The following GABRG3 variants were observed in gnomAD, a reference collection of about 807,000 sequenced individuals.
GABRG3 encodes gamma-aminobutyric acid receptor subunit gamma-3.
Under a neutral mutation model 48.8 loss-of-function variants are expected in GABRG3, and 25 were observed. That is an observed-to-expected ratio of 0.51 (90% CI 0.37 to 0.72). The LOEUF (loss-of-function observed/expected upper bound fraction) is 0.72. Among genes scored for constraint, GABRG3 ranks in the 30% least tolerant of loss-of-function variants. The probability of loss-of-function intolerance (pLI) is 0.00; values close to 1 mark genes in which losing one functional copy is unlikely to be tolerated. For missense variants in GABRG3, 394 were observed against 577.9 expected, an observed-to-expected ratio of 0.68 and a Z score of 3.26; for synonymous variants, 227 against 217.6, an observed-to-expected ratio of 1.04 and a Z score of -0.38.
chr15:27,292,695 T>A (rs1156298087), intron 3 of GABRG3, among the ~76,000 whole-genome samples: 1 of 152,128 alleles, frequency 6.6e-6, no homozygotes, highest in Non-Finnish European at 1.5e-5. Context: ...ATAATTCACT[T>A]GAGTTAGCTG....
intron 5 of GABRG3, among the ~76,000 whole-genome samples, chr15:27,431,149 A>T (rs1027946456): frequency 6.6e-6 from 1 of 151,974 alleles, no homozygotes; most frequent in African/African-American, 2.4e-5. Flanking sequence ...CTTTAGTAAG[A>T]TTTGAAATTG....
intron 3 of GABRG3, among the ~76,000 whole-genome samples, chr15:27,094,214 A>T (rs4354903): frequency 6.6e-6 from 1 of 152,142 alleles, no homozygotes; most frequent in Non-Finnish European, 1.5e-5. Context: ...TGAAGGCCAC[A>T]GCAGTCAAGC....
intron 3 of GABRG3, among the ~76,000 whole-genome samples, chr15:27,313,484 G>C (rs1281293686): frequency 6.7e-6 from 1 of 150,330 alleles, no homozygotes; most frequent in East Asian, 2.0e-4. Context: ...AAATCAAATG[G>C]ACCTAACACA....
chr15:27,097,736 T>G (rs1414189538), intron 3 of GABRG3, among the ~76,000 whole-genome samples: 1 of 151,954 alleles, frequency 6.6e-6, no homozygotes, highest in Non-Finnish European at 1.5e-5. Flanking sequence ...AGTGAGCGGG[T>G]CAAGGCCAAG....
chr15:27,034,196 C>G (rs1032804892), intron 3 of GABRG3, among the ~76,000 whole-genome samples: 1 of 152,186 alleles, frequency 6.6e-6, no homozygotes, highest in Non-Finnish European at 1.5e-5. Flanking sequence ...TCTCGAAAAG[C>G]ATACAACTGC....
intron 5 of GABRG3, among the ~76,000 whole-genome samples, chr15:27,367,993 C>T (rs1408340242): frequency 1.3e-5 from 2 of 152,162 alleles, no homozygotes; most frequent in African/African-American, 2.4e-5. Flanking sequence ...CTGTTCTTAT[C>T]TCCCCTTCAT....
In GABRG3 at chr15:27,180,064, CTG is replaced by C. The variant is rs1190453572; in HGVS notation, c.271-146742_271-146741del. 7.9e-5 allele frequency among the ~76,000 whole-genome samples: 12 copies of C among 152,206 alleles called. No individual in the cohort carries two copies. On this transcript the variant is annotated intron_variant, in intron 3 of 9. Coordinates refer to ENST00000615808, the MANE Select transcript of GABRG3 (RefSeq NM_033223.5). This position sits in a 1 kb window ranked among gnomAD's most constrained non-coding sequence, Gnocchi z 4.2. ...AGAGCCACTGCCTGATCGAACATCTCTGTGAGTCTTGGCCTTCCCCAGGAGAC... is the reference window on the plus strand; with the variant it reads ...AGAGCCACTGCCTGATCGAACATCTCTGAGTCTTGGCCTTCCCCAGGAGAC...
chr15:27,348,945 C>T (rs1187004639), intron 5 of GABRG3, among the ~76,000 whole-genome samples: 1 of 152,028 alleles, frequency 6.6e-6, no homozygotes, highest in African/African-American at 2.4e-5. Context: ...GAAAAATCAG[C>T]GTGTAGTGGG....
chr15:27,530,408 A>C (rs1020746264), intron 9 of GABRG3, among the ~76,000 whole-genome samples: 1 of 152,226 alleles, frequency 6.6e-6, no homozygotes, highest in Non-Finnish European at 1.5e-5. Flanking sequence ...TGACAAATGA[A>C]AAGGAGGCAA....
intron 3 of GABRG3, among the ~76,000 whole-genome samples, chr15:27,215,267 C>A (rs564129327): frequency 6.6e-6 from 1 of 152,286 alleles, no homozygotes; most frequent in East Asian, 1.9e-4. Context: ...GCCTCCACAG[C>A]CCCTGAACTC....
At chr15:27,046,260 ATT>A (rs569250980) in intron 3 of GABRG3, among the ~76,000 whole-genome samples, 48 of 141,406 alleles carry the variant, frequency 3.4e-4, no homozygotes, top group African/African-American at 8.7e-4. Context: ...TACCTGGCTA[ATT>A]TTTTTTTTTT....
chr15:27,468,219 A>G (rs1231615098), intron 5 of GABRG3, among the ~76,000 whole-genome samples: 1 of 152,220 alleles, frequency 6.6e-6, no homozygotes, highest in Non-Finnish European at 1.5e-5. Context: ...ACAAGGTGAA[A>G]AGTACACACT....
intron 3 of GABRG3, among the ~76,000 whole-genome samples, chr15:27,132,274 A>G (rs1897928496): frequency 6.6e-6 from 1 of 152,032 alleles, no homozygotes; most frequent in Non-Finnish European, 1.5e-5. Context: ...CAGGTCTTAC[A>G]TTTAAATGTT....
chr15:27,447,551 G>A lies in GABRG3; in HGVS notation c.575-33099G>A, dbSNP rs1888978530. ...GTTAGGGAGGATCTGAACTAGGCCAGAGATGACAGGGCTGAGAGATGGGGA... is the reference window on the plus strand; with the variant it reads ...GTTAGGGAGGATCTGAACTAGGCCAAAGATGACAGGGCTGAGAGATGGGGA... On this transcript the variant is annotated intron_variant, in intron 5 of 9. Transcript: ENST00000615808. This position sits in a 1 kb window ranked among gnomAD's most constrained non-coding sequence, Gnocchi z 4.0. Among the ~76,000 whole-genome samples, 1 of 152,190 alleles carries A rather than the reference G, an allele frequency of 6.6e-6. No individual in the cohort carries two copies. Among genetic ancestry groups the A allele is most frequent in the Non-Finnish European group, 1.5e-5 (1 of 68,028 alleles).
intron 3 of GABRG3, among the ~76,000 whole-genome samples, chr15:27,138,726 C>T (rs1348076843): frequency 3.9e-5 from 6 of 152,146 alleles, no homozygotes; most frequent in African/African-American, 1.4e-4. Context: ...ATTATTATCC[C>T]TCAGGATTCT....
intron 5 of GABRG3, among the ~76,000 whole-genome samples, chr15:27,361,354 A>G (rs1021645292): frequency 9.9e-5 from 15 of 152,242 alleles, no homozygotes; most frequent in Non-Finnish European, 2.1e-4. Flanking sequence ...TGGAGGCAGG[A>G]CCAAGCCAAT....
At chr15:27,133,969 C>T (rs958042341) in intron 3 of GABRG3, among the ~76,000 whole-genome samples, 14 of 152,140 alleles carry the variant, frequency 9.2e-5, no homozygotes, top group Non-Finnish European at 1.6e-4. Flanking sequence ...GCAGAAAAAT[C>T]AAGAATATTT....
chr15:27,038,112 C>T (rs1278820562), intron 3 of GABRG3, among the ~76,000 whole-genome samples: 3 of 152,176 alleles, frequency 2.0e-5, no homozygotes, highest in Non-Finnish European at 2.9e-5. Flanking sequence ...ACAGCCCCAT[C>T]TCAGTCCGGT....
At chr15:27,300,253 T>C (rs568904316) in intron 3 of GABRG3, among the ~76,000 whole-genome samples, 1 of 152,246 alleles carries the variant, frequency 6.6e-6, no homozygotes, top group African/African-American at 2.4e-5. Context: ...CCAAAATTAC[T>C]TGGCATATGG....
Sources: gnomAD v4.1 joint callset for allele counts (sites outside exome capture counted in the v4.1 genomes callset) on GRCh38, gnomAD v4.1.1 for gene constraint, Gnocchi (gnomAD v3.1) non-coding constraint, MANE v1.5 for transcripts, NCBI Gene and HGNC (gene_info 2026-07-23, HGNC 2026-07-21) for gene names.